The following NT5DC1 variants were observed in gnomAD, a reference collection of about 807,000 sequenced individuals.
NT5DC1 encodes the protein 5'-nucleotidase domain containing 1.
A neutral mutation model predicts 59.4 loss-of-function variants in NT5DC1; 42 were observed. The ratio of observed to expected loss-of-function variants is 0.71; its 90% CI spans 0.55 to 0.92. The LOEUF is 0.92. Among genes scored for constraint, NT5DC1 ranks in the 40% least tolerant of loss-of-function variants. NT5DC1 has a pLI of 0.00. For synonymous variants in NT5DC1, 172 were observed against 188.1 expected (o/e 0.91, Z 0.70); for missense variants, 501 against 537.1 (o/e 0.93, Z 0.66).
At chr6:116,137,848 G>A (rs574648521) in intron 6 of NT5DC1, among the ~76,000 whole-genome samples, 2 of 152,280 alleles carry the variant, frequency 1.3e-5, no homozygotes, top group Non-Finnish European at 2.9e-5. Flanking sequence ...TTGGGAGGCC[G>A]AGGCAGACGA....
chr6:116,102,424 G>A (rs1341763544), intron 1 of NT5DC1, among the ~76,000 whole-genome samples: 2 of 152,154 alleles, frequency 1.3e-5, no homozygotes, highest in South Asian at 4.2e-4. Flanking sequence ...TTTACTGCTT[G>A]ATTCTTTGGC....
intron 6 of NT5DC1, chr6:116,118,212 G>A (rs1779007161): frequency 4.7e-6 from 2 of 427,102 alleles, no homozygotes; most frequent in South Asian, 2.3e-5. Flanking sequence ...GAGTTCCCTA[G>A]AATTGAAGTC....
At chr6:116,145,373 T>C in intron 6 of NT5DC1, 1 of 309,916 alleles carries the variant, frequency 3.2e-6, no homozygotes, top group Non-Finnish European at 7.3e-6. Flanking sequence ...AACATTAAAT[T>C]GATGGTAAGA....
chr6:116,157,058 A>G (rs1780213456), intron 6 of NT5DC1, among the ~76,000 whole-genome samples: 1 of 152,124 alleles, frequency 6.6e-6, no homozygotes. Context: ...CTTCCACCAA[A>G]TAGACATGGA....
At chr6:116,238,928 T>C in intron 10 of NT5DC1, 27 bp from the exon 11 acceptor site, 1 of 1,424,962 alleles carries the variant, frequency 7.0e-7, no homozygotes, top group Non-Finnish European at 9.8e-7. Flanking sequence ...TAATCACCAT[T>C]TTAATTATTC....
intron 3 of NT5DC1, among the ~76,000 whole-genome samples, chr6:116,109,345 G>A (rs1167738106): frequency 6.6e-6 from 1 of 152,152 alleles, no homozygotes; most frequent in African/African-American, 2.4e-5. Context: ...GTATTTTGTA[G>A]TTTGTTTCCA....
At chr6:116,148,042 T>G (rs1779943742) in intron 6 of NT5DC1, among the ~76,000 whole-genome samples, 1 of 151,274 alleles carries the variant, frequency 6.6e-6, no homozygotes, top group Non-Finnish European at 1.5e-5. Flanking sequence ...TGAAAAGACA[T>G]CCAGAATATA....
Position 116,106,267 on chromosome 6 carries a change from G to T in NT5DC1, c.117G>T (p.Gln39His), listed in dbSNP as rs769185293. The change falls in exon 2 of 12, where the codon CAG (glutamine) becomes CAT (histidine). Residue 39 changes from glutamine (Q) to histidine (H), a missense_variant. Gln to His is a conservative substitution (Grantham distance 24). Coordinates refer to ENST00000319550, the MANE Select transcript of NT5DC1 (RefSeq NM_152729.3). ...AGCTCATTTATAATAGCTTTGCCCA[G>T]TTCCTAGTTAAGGAGAAAGGGTACG... ...SAPLIYNSFA[Q>H]FLVKEKGYDK... is the part of the protein sequence containing the mutation. The T allele has an allele frequency of 1.1e-5, 17 of 1,576,770 alleles. No homozygotes were observed. The highest frequency in any genetic ancestry group is 1.1e-5 in the Non-Finnish European group (13 of 1,147,542).
chr6:116,112,751 A>G (rs1464212890), intron 4 of NT5DC1, among the ~76,000 whole-genome samples: 1 of 152,242 alleles, frequency 6.6e-6, no homozygotes, highest in Non-Finnish European at 1.5e-5. Flanking sequence ...ACTTTCATAC[A>G]TATATCTAGG....
chr6:116,207,746 C>A (rs1781487009), intron 6 of NT5DC1, among the ~76,000 whole-genome samples: 1 of 151,872 alleles, frequency 6.6e-6, no homozygotes, highest in Admixed American at 6.6e-5. Context: ...ACTGTGAACC[C>A]CTCGTGCCCA....
intron 3 of NT5DC1, among the ~76,000 whole-genome samples, chr6:116,110,468 C>G (rs1467042770): frequency 2.0e-5 from 3 of 152,172 alleles, no homozygotes; most frequent in Non-Finnish European, 4.4e-5. Context: ...ACTCTGGTAC[C>G]TACTGCTCTT....
intron 2 of NT5DC1, among the ~76,000 whole-genome samples, chr6:116,107,049 C>T (rs1244497134): frequency 6.6e-6 from 1 of 151,410 alleles, no homozygotes; most frequent in African/African-American, 2.4e-5. Context: ...AATAATTAGC[C>T]AGGTGAGGTG....
intron 6 of NT5DC1, among the ~76,000 whole-genome samples, chr6:116,162,993 G>A (rs941408119): frequency 2.6e-5 from 4 of 151,496 alleles, no homozygotes; most frequent in Admixed American, 6.6e-5. Flanking sequence ...CAGGCGTGGC[G>A]GCAGGCACTT....
Position 116,108,391 on chromosome 6 carries a change from A to G in NT5DC1, c.213A>G (p.Glu71=), listed in dbSNP as rs373037393. 2.5e-6 allele frequency: 4 copies of G among 1,609,594 alleles called. No individual in the cohort carries two copies. In the African/African-American group the frequency reaches 4.0e-5, roughly 16 times the overall value. ...GCAAAGGTTTGGCATTGGATCTAGA[A>G]GATGGGAACTTCCTTAAACTTGCAA... is the stretch of plus-strand genomic sequence containing the variant. The part of the protein sequence containing the change: ...FCCKGLALDL[E]DGNFLKLANN... Residue 71 remains glutamate (E), a synonymous_variant, in exon 3 of 12, where the codon GAA becomes GAG. Coordinates refer to ENST00000319550, the MANE Select transcript of NT5DC1 (RefSeq NM_152729.3).
rs897232806 is a variant in NT5DC1, at chr6:116,106,273, A to C, written c.123A>C (p.Leu41=). The C allele has an allele frequency of 6.3e-7, 1 of 1,583,742 alleles. No individual in the cohort carries two copies. Among genetic ancestry groups the C allele is most frequent in the Non-Finnish European group, 8.7e-7 (1 of 1,153,704 alleles). Residue 41 remains leucine (L), a synonymous_variant, in exon 2 of 12, where the codon CTA becomes CTC. Coordinates refer to ENST00000319550, the MANE Select transcript of NT5DC1 (RefSeq NM_152729.3). ...PLIYNSFAQF[L]VKEKGYDKEL... is the part of the protein sequence containing the mutation. ...TTTATAATAGCTTTGCCCAGTTCCT[A>C]GTTAAGGAGAAAGGGTACGATAAGG...
chr6:116,137,728 A>G (rs1779647350), intron 6 of NT5DC1, among the ~76,000 whole-genome samples: 1 of 152,198 alleles, frequency 6.6e-6, no homozygotes, highest in Non-Finnish European at 1.5e-5. Context: ...CATGTGTGCA[A>G]TACGTACCTG....
At chr6:116,144,105 G>C (rs966270288) in intron 6 of NT5DC1, among the ~76,000 whole-genome samples, 9 of 151,968 alleles carry the variant, frequency 5.9e-5, no homozygotes, top group Non-Finnish European at 1.0e-4. Context: ...TGGTGGTGTC[G>C]GGTATTCTGC....
At chr6:116,224,706 G>T (rs899500355) in intron 8 of NT5DC1, among the ~76,000 whole-genome samples, 1 of 152,244 alleles carries the variant, frequency 6.6e-6, no homozygotes, top group Non-Finnish European at 1.5e-5. Flanking sequence ...ATGGTCATGG[G>T]GTGGGAGGGG....
intron 6 of NT5DC1, among the ~76,000 whole-genome samples, chr6:116,209,171 T>C (rs1413815399): frequency 6.6e-6 from 1 of 152,138 alleles, no homozygotes; most frequent in East Asian, 1.9e-4. Context: ...CATATCAGGA[T>C]TCAGCAAACC....
Sources: gnomAD v4.1 joint callset for allele counts (sites outside exome capture counted in the v4.1 genomes callset) on GRCh38, gnomAD v4.1.1 for gene constraint, MANE v1.5 for transcripts, NCBI Gene and HGNC (gene_info 2026-07-23, HGNC 2026-07-21) for gene names.